Variants in TENM2 observed in about 807,000 individuals in gnomAD.
TENM2 encodes the protein teneurin transmembrane protein 2.
In TENM2, 52 loss-of-function variants were observed where a neutral mutation model predicts 245.2. The ratio of observed to expected loss-of-function variants is 0.21; its 90% CI spans 0.17 to 0.27. The LOEUF is 0.27. TENM2 is among the 10% of genes least tolerant of loss of function. The pLI is 1.00. For missense variants in TENM2, 3,046 were observed against 3,666.8 expected (o/e 0.83, Z 4.37); for synonymous variants, 1,363 against 1,438.9 (o/e 0.95, Z 1.19).
intron 2 of TENM2, among the ~76,000 whole-genome samples, chr5:167,555,344 A>G (rs1773200875): frequency 6.6e-6 from 1 of 152,202 alleles, no homozygotes; most frequent in Non-Finnish European, 1.5e-5. Context: ...TAACATTTGA[A>G]GCTTACTATG....
the TENM2 span, among the ~76,000 whole-genome samples, chr5:167,241,748 G>A: frequency 6.6e-6 from 1 of 152,106 alleles, no homozygotes; most frequent in South Asian, 2.1e-4. Flanking sequence ...GGAGCGATGG[G>A]AACAGGAGCA....
upstream of TENM2, chr5:167,284,660 C>T: frequency 1.7e-6 from 1 of 602,528 alleles, no homozygotes; most frequent in Non-Finnish European, 2.9e-6. Context: ...CAGGGCTGAC[C>T]AAGGCTGCAT....
At chr5:167,681,732 T>C (rs1466659090) in intron 2 of TENM2, among the ~76,000 whole-genome samples, 1 of 152,156 alleles carries the variant, frequency 6.6e-6, no homozygotes, top group Non-Finnish European at 1.5e-5. Flanking sequence ...AAAAAGATTG[T>C]ACCAATTTGT....
intron 3 of TENM2, among the ~76,000 whole-genome samples, chr5:167,949,243 T>C (rs1779886219): frequency 6.6e-6 from 1 of 152,176 alleles, no homozygotes; most frequent in African/African-American, 2.4e-5. Context: ...CTCACAGCAT[T>C]CAGCTCTATC....
Position 168,070,825 on chromosome 5 carries a change from AAG to A in TENM2, c.1515+8562_1515+8563del, listed in dbSNP as rs10690523. 2.2e-3 allele frequency among the ~76,000 whole-genome samples: 299 copies of A among 134,680 alleles called. 2 individuals are homozygous for A. The highest frequency in any genetic ancestry group is 8.1e-3 in the African/African-American group (287 of 35,490). 88.4% of individuals were successfully genotyped at this position (134,680 alleles called of 152,430 possible). On this transcript the variant is annotated intron_variant, in intron 7 of 28. Coordinates refer to ENST00000518659, the Ensembl canonical transcript of TENM2. The stretch of plus-strand genomic sequence containing the variant: ...AGAGAGAGAGAGAGAGAGAGAAAAA[AAG>A]AAAGAAGAAAAAGAAAAAGAGAGGA...
At chr5:167,551,087 T>G (rs1772911371) in intron 2 of TENM2, among the ~76,000 whole-genome samples, 1 of 152,162 alleles carries the variant, frequency 6.6e-6, no homozygotes, top group African/African-American at 2.4e-5. Flanking sequence ...CTAAAGTCCC[T>G]GTCATTATGG....
At chr5:167,756,232 A>G (rs1044472324) in intron 2 of TENM2, among the ~76,000 whole-genome samples, 1 of 152,128 alleles carries the variant, frequency 6.6e-6, no homozygotes, top group Non-Finnish European at 1.5e-5. Context: ...ATATATATAT[A>G]TATGTAATCC....
intron 2 of TENM2, among the ~76,000 whole-genome samples, chr5:167,418,278 G>A (rs940355453): frequency 2.1e-4 from 32 of 150,296 alleles, no homozygotes; most frequent in African/African-American, 6.9e-4. Context: ...GAGGTGAGCC[G>A]AGATTGTGCC....
At chr5:167,071,993 T>A in the TENM2 span, among the ~76,000 whole-genome samples, 1 of 147,186 alleles carries the variant, frequency 6.8e-6, no homozygotes, top group African/African-American at 2.5e-5. Context: ...CTCAGAGTGG[T>A]TGGGAAGATG....
At chr5:167,007,611 ATAAT>A in the TENM2 span, among the ~76,000 whole-genome samples, 2 of 152,332 alleles carry the variant, frequency 1.3e-5, no homozygotes, top group South Asian at 4.1e-4. The surrounding 1 kb of genome is among the most constrained non-coding windows in gnomAD (Gnocchi z 4.2). Flanking sequence ...GAACACATAA[ATAAT>A]TAAATAAAGC....
upstream of TENM2, among the ~76,000 whole-genome samples, chr5:167,281,306 G>A (rs904411164): frequency 2.0e-5 from 3 of 149,842 alleles, no homozygotes; most frequent in East Asian, 2.0e-4. Flanking sequence ...TAGTAGAGAC[G>A]GGATTTCCTC....
chr5:167,290,417 T>A (rs959776369), intron 1 of TENM2, among the ~76,000 whole-genome samples: 1 of 152,350 alleles, frequency 6.6e-6, no homozygotes, highest in African/African-American at 2.4e-5. Context: ...TTTTAATAAG[T>A]GCTAGTAGTT....
chr5:168,024,190 G>A (rs937522747), intron 5 of TENM2, among the ~76,000 whole-genome samples: 2 of 152,110 alleles, frequency 1.3e-5, no homozygotes. Context: ...TTGTGCATAT[G>A]TGAACTGTCT....
rs1225711898 is a variant in TENM2, at chr5:167,776,605, A to G, written c.503-99381A>G. 6.8e-3 allele frequency among the ~76,000 whole-genome samples: 628 copies of G among 92,828 alleles called. 20 individuals are homozygous for G. Among genetic ancestry groups the G allele is most frequent in the African/African-American group, 0.03 (601 of 20,032 alleles). The allele number at this position is 92,828 out of a possible 152,430, so 60.9% of individuals were successfully genotyped here. On this transcript the variant is annotated intron_variant, in intron 2 of 28. Coordinates refer to ENST00000518659, the Ensembl canonical transcript of TENM2. Reference sequence around the variant, plus strand: ...TGAGACCCTGTCTGAAAAAAAAAAAAAAAAAAAAAAAAAAAAAAAAACCAT... The same window carrying G: ...TGAGACCCTGTCTGAAAAAAAAAAAGAAAAAAAAAAAAAAAAAAAAACCAT...
At chr5:167,544,049 A>G (rs1772390777) in intron 2 of TENM2, among the ~76,000 whole-genome samples, 3 of 152,150 alleles carry the variant, frequency 2.0e-5, no homozygotes, top group Admixed American at 2.0e-4. Context: ...GGGAGACACA[A>G]TTTGATCCAT....
intron 3 of TENM2, among the ~76,000 whole-genome samples, chr5:167,883,455 C>T (rs780556949): frequency 2.0e-5 from 3 of 152,236 alleles, no homozygotes; most frequent in Non-Finnish European, 4.4e-5. Context: ...CAACTAGGGT[C>T]AGGACCACTC....
At chr5:167,166,676 ACAC>A in the TENM2 span, among the ~76,000 whole-genome samples, 22 of 152,176 alleles carry the variant, frequency 1.4e-4, no homozygotes, top group African/African-American at 5.1e-4. Flanking sequence ...GCTTTAAATA[ACAC>A]ATTAAAGCAG....
the TENM2 span, among the ~76,000 whole-genome samples, chr5:167,087,253 C>G: frequency 2.6e-5 from 4 of 152,150 alleles, no homozygotes; most frequent in African/African-American, 9.7e-5. Flanking sequence ...TAAAAATGTT[C>G]TTTACATAGA....
At chr5:168,155,484 C>T (rs1159196292) in intron 12 of TENM2, among the ~76,000 whole-genome samples, 4 of 152,064 alleles carry the variant, frequency 2.6e-5, no homozygotes, top group Non-Finnish European at 5.9e-5. Flanking sequence ...AGTCTACCTT[C>T]GTGTCTCCTG....
Sources: allele counts gnomAD v4.1 joint callset (sites outside exome capture counted in the v4.1 genomes callset), GRCh38; gene constraint gnomAD v4.1.1; non-coding constraint Gnocchi (gnomAD v3.1); transcripts MANE v1.5; gene names NCBI Gene and HGNC (gene_info 2026-07-23, HGNC 2026-07-21).